The following ZXDB variants were observed in gnomAD, a reference collection of about 807,000 sequenced individuals.
ZXDB encodes the protein zinc finger X-linked protein ZXDB.
For missense variants in ZXDB, 413 were observed against 679.1 expected, an observed-to-expected ratio of 0.61 and a Z score of 4.36; for synonymous variants, 273 against 314.3, an observed-to-expected ratio of 0.87 and a Z score of 1.39.
In ZXDB at chrX:57,596,156, G is replaced by A. The variant is rs909179329; in HGVS notation, c.*1696G>A. 81 of 122,966 alleles carry A rather than the reference G, an allele frequency of 6.6e-4. No homozygotes were observed. The highest frequency in any genetic ancestry group is 2.4e-3 in the African/African-American group (75 of 30,649). 10.1% of individuals were successfully genotyped at this position (122,966 alleles called of 1,213,427 possible). A position where few individuals can be genotyped will look rare whatever the true frequency, so the allele number is the denominator to read the frequency against. ...TAATTTTCCCTCTAAGAATTGCTGTGGGTAATACCAGGAGTGGGGACATTG... is the reference window on the plus strand; with the variant it reads ...TAATTTTCCCTCTAAGAATTGCTGTAGGTAATACCAGGAGTGGGGACATTG... On this transcript the variant is annotated 3_prime_UTR_variant, in exon 1 of 1. Coordinates refer to ENST00000374888, the MANE Select transcript of ZXDB (RefSeq NM_007157.4).
rs1414993526 is a variant in ZXDB, at chrX:57,597,214, T to C, written c.*2754T>C. The C allele has an allele frequency of 1.6e-5, 2 of 123,496 alleles. No individual in the cohort carries two copies. Among genetic ancestry groups the C allele is most frequent in the African/African-American group, 6.5e-5 (2 of 30,867 alleles). The allele number at this position is 123,496 out of a possible 1,213,427, so 10.2% of individuals were successfully genotyped here. A position where few individuals can be genotyped will look rare whatever the true frequency, so the allele number is the denominator to read the frequency against. The stretch of plus-strand genomic sequence containing the variant: ...CACCCACATATATATTAAAAGTGGT[T>C]GTATTCATTTAGTGAAAAACAAAAA... On this transcript the variant is annotated 3_prime_UTR_variant, in exon 1 of 1. Transcript: ENST00000374888.
In ZXDB at chrX:57,597,244, A is replaced by T. The variant is rs2057913273; in HGVS notation, c.*2784A>T. On this transcript the variant is annotated 3_prime_UTR_variant, in exon 1 of 1. Transcript: ENST00000374888. ...TCATTTAGTGAAAAACAAAAAGTAG[A>T]TGTACTTCTGTAAATCAGATAAATG... 1 of 123,474 alleles carries T rather than the reference A, an allele frequency of 8.1e-6. No individual in the cohort carries two copies. The highest frequency in any genetic ancestry group is 1.9e-5 in the Non-Finnish European group (1 of 53,268). 10.2% of individuals were successfully genotyped at this position (123,474 alleles called of 1,213,427 possible). A position where few individuals can be genotyped will look rare whatever the true frequency, so the allele number is the denominator to read the frequency against.
chrX:57,595,222 G>C lies in ZXDB; in HGVS notation c.*762G>C, dbSNP rs186570657. 8.1e-6 allele frequency: 1 copy of C among 122,952 alleles called. No individual in the cohort carries two copies. Among genetic ancestry groups the C allele is most frequent in the African/African-American group, 3.3e-5 (1 of 30,718 alleles). 10.1% of individuals were successfully genotyped at this position (122,952 alleles called of 1,213,427 possible). On this transcript the variant is annotated 3_prime_UTR_variant, in exon 1 of 1. Coordinates refer to ENST00000374888, the MANE Select transcript of ZXDB (RefSeq NM_007157.4). The stretch of plus-strand genomic sequence containing the variant: ...AATCTCCTAAGTGTCTTCTTAATCC[G>C]TATGTTTCCCTTTCATCTTTCTTTT...
rs2057893775 is a variant in ZXDB at position 57,592,065 on chromosome X, T to C, written c.17T>C (p.Leu6Pro). 22 of 1,033,665 alleles carry C rather than the reference T, an allele frequency of 2.1e-5. No homozygotes were observed. The South Asian group carries it at 5.9e-4, about 28-fold the overall frequency. The allele number at this position is 1,033,665 out of a possible 1,213,427, so 85.2% of individuals were successfully genotyped here. A position where few individuals can be genotyped will look rare whatever the true frequency, so the allele number is the denominator to read the frequency against. The change falls in exon 1 of 1, where the codon CTG becomes CCG. Residue 6 changes from leucine (L) to proline (P), a missense_variant. By Grantham distance (98) the Leu-to-Pro change is moderately conservative. Transcript: ENST00000374888. ...GACGCAGAGATGGAAATCCCGAAGCTGCTCCCGGCTCGCGGGACACTACAG... is the reference window on the plus strand; with the variant it reads ...GACGCAGAGATGGAAATCCCGAAGCCGCTCCCGGCTCGCGGGACACTACAG... The part of the protein sequence containing the change: MEIPK[L>P]LPARGTLQGG...
rs1453838037 is a variant in ZXDB, at chrX:57,592,449, C to T, written c.401C>T (p.Ala134Val). ...GPGLQGGESG[A>V]NPAGPTALGP... ...GGGCTCCAGGGGGGCGAGAGCGGCG[C>T]GAATCCCGCGGGGCCCACTGCGCTA... Residue 134 changes from alanine to valine, a missense_variant, in exon 1 of 1, where the codon GCG becomes GTG. Physicochemically the swap from Ala to Val is moderately conservative, Grantham distance 64. Transcript: ENST00000374888. 6 of 1,160,398 alleles carry T rather than the reference C, an allele frequency of 5.2e-6. No individual in the cohort carries two copies. In the Admixed American group the frequency reaches 9.9e-5, roughly 19 times the overall value.
In ZXDB at chrX:57,592,431, AG is replaced by A. The variant is rs1244764887; in HGVS notation, c.389del (p.Gly130AlafsTer13). 8.6e-7 allele frequency: 1 copy of A among 1,160,412 alleles called. No homozygotes were observed. On this transcript the variant is annotated frameshift_variant, in exon 1 of 1. Transcript: ENST00000374888. LOFTEE classifies it low-confidence loss of function (END_TRUNC). ...REEAEEGPGL[Q>X]GGESGANPAG... ...GAGGCCGAGGAGGGCCCGGGGCTCC[AG>A]GGGGGCGAGAGCGGCGCGAATCCCG...
At position 57,592,232 on chromosome X, in the gene ZXDB, G is replaced by A; in HGVS notation, c.184G>A (p.Ala62Thr). The change falls in exon 1 of 1, where the codon GCC becomes ACC. Residue 62 changes from alanine (A) to threonine (T), a missense_variant. By Grantham distance (58) the Ala-to-Thr change is moderately conservative (BLOSUM62 0). Coordinates refer to ENST00000374888, the MANE Select transcript of ZXDB (RefSeq NM_007157.4). ...CGGGCCCGGGCGGCGGCGCGAGGAGGCCAGCACGGCATCACGGGGCCCTGG... is the reference window on the plus strand; with the variant it reads ...CGGGCCCGGGCGGCGGCGCGAGGAGACCAGCACGGCATCACGGGGCCCTGG... The part of the protein sequence containing the change: ...DGGPGRRREE[A>T]STASRGPGPS... The A allele has an allele frequency of 8.8e-7, 1 of 1,141,298 alleles. No homozygotes were observed. The highest frequency in any genetic ancestry group is 3.4e-4 in the Middle Eastern group (1 of 2,963). The allele number at this position is 1,141,298 out of a possible 1,213,427, so 94.1% of individuals were successfully genotyped here.
chrX:57,595,593 A>G lies in ZXDB; in HGVS notation c.*1133A>G, dbSNP rs925936692. On this transcript the variant is annotated 3_prime_UTR_variant, in exon 1 of 1. Coordinates refer to ENST00000374888, the MANE Select transcript of ZXDB (RefSeq NM_007157.4). ...AAGCATTAGCAAAGGAGGAAATGCT[A>G]TGTAATAGAAATATTATTCAATGCC... 7 of 123,751 alleles carry G rather than the reference A, an allele frequency of 5.7e-5. No homozygotes were observed. The highest frequency in any genetic ancestry group is 2.3e-4 in the African/African-American group (7 of 30,999). The allele number at this position is 123,751 out of a possible 1,213,427, so 10.2% of individuals were successfully genotyped here.
Position 57,592,436 on chromosome X carries a change from G to A in ZXDB, c.388G>A (p.Gly130Ser). Residue 130 changes from glycine (G) to serine (S), a missense_variant, in exon 1 of 1, where the codon GGC (glycine) becomes AGC (serine). By Grantham distance (56) the Gly-to-Ser change is moderately conservative (BLOSUM62 0). Coordinates refer to ENST00000374888, the MANE Select transcript of ZXDB (RefSeq NM_007157.4). Reference sequence around the variant, plus strand: ...CGAGGAGGGCCCGGGGCTCCAGGGGGGCGAGAGCGGCGCGAATCCCGCGGG... The same window carrying A: ...CGAGGAGGGCCCGGGGCTCCAGGGGAGCGAGAGCGGCGCGAATCCCGCGGG... ...EAEEGPGLQG[G>S]ESGANPAGPT... The A allele has an allele frequency of 8.6e-7, 1 of 1,158,783 alleles. No homozygotes were observed. Among genetic ancestry groups the A allele is most frequent in the East Asian group, 3.3e-5 (1 of 30,472 alleles).
rs1030390766 is a variant in ZXDB at position 57,593,223 on chromosome X, C to A, written c.1175C>A (p.Pro392His). The change falls in exon 1 of 1, where the codon CCT (proline) becomes CAT (histidine). Residue 392 changes from proline to histidine, a missense_variant. Transcript: ENST00000374888. ...CGCAGCCACTTCGAACCGGAGAGGC[C>A]TTACCAGTGCGCGTTTTCTGGCTGC... The part of the protein sequence containing the change: ...HQRSHFEPER[P>H]YQCAFSGCKK... 1 of 1,210,118 alleles carries A rather than the reference C, an allele frequency of 8.3e-7. No homozygotes were observed.
Position 57,592,842 on chromosome X carries a change from G to A in ZXDB, c.794G>A (p.Gly265Asp). 8.6e-7 allele frequency: 1 copy of A among 1,167,983 alleles called. No homozygotes were observed. Among genetic ancestry groups the A allele is most frequent in the African/African-American group, 1.8e-5 (1 of 56,913 alleles). Residue 265 changes from glycine (G) to aspartate (D), a missense_variant, in exon 1 of 1, where the codon GGC becomes GAC. Transcript: ENST00000374888. ...GGCCCCCGCGGACCGCTGGGCTCCG[G>A]CCCAGGCGTGGTGCTGTACTTGTGC... The part of the protein sequence containing the change: ...ALGPRGPLGS[G>D]PGVVLYLCPE...
In ZXDB at chrX:57,592,501, C is replaced by T. The variant is rs761267657; in HGVS notation, c.453C>T (p.Pro151=). Reference sequence around the variant, plus strand: ...GCCCCCGCTGCCTGTCCGCGGTTCCCACTCCGGCCCCGATCTCCGCCCCCG... The same window carrying T: ...GCCCCCGCTGCCTGTCCGCGGTTCCTACTCCGGCCCCGATCTCCGCCCCCG... ...ALGPRCLSAV[P]TPAPISAPGP... is the part of the protein sequence containing the mutation. Residue 151 remains proline, a synonymous_variant, in exon 1 of 1, where the codon CCC becomes CCT. Transcript: ENST00000374888. 1 of 1,183,168 alleles carries T rather than the reference C, an allele frequency of 8.5e-7. No homozygotes were observed. The highest frequency in any genetic ancestry group is 3.1e-5 in the East Asian group (1 of 32,087).
At position 57,594,502 on chromosome X, in the gene ZXDB, A is replaced by T. The variant is rs747697294; in HGVS notation, c.*42A>T. On this transcript the variant is annotated 3_prime_UTR_variant, in exon 1 of 1. Coordinates refer to ENST00000374888, the MANE Select transcript of ZXDB (RefSeq NM_007157.4). ...CCTCATCATGTGGCTTACTTTTATT[A>T]CAGTCAATTTTGAGGATATTCTGGA... 2 of 1,154,795 alleles carry T rather than the reference A, an allele frequency of 1.7e-6. No homozygotes were observed. Among genetic ancestry groups the T allele is most frequent in the African/African-American group, 3.6e-5 (2 of 55,100 alleles).
Position 57,594,582 on chromosome X carries a change from G to A in ZXDB, c.*122G>A. ...TGGTTTGCAAAAAGAGCACAGCCCT[G>A]GACTACAAGTTTGGAGATTTAAATT... On this transcript the variant is annotated 3_prime_UTR_variant, in exon 1 of 1. Transcript: ENST00000374888. 1.1e-6 allele frequency: 1 copy of A among 911,166 alleles called. No individual in the cohort carries two copies. The highest frequency in any genetic ancestry group is 1.5e-6 in the Non-Finnish European group (1 of 662,127). The allele number at this position is 911,166 out of a possible 1,213,427, so 75.1% of individuals were successfully genotyped here.
rs1042664428 is a variant in ZXDB at position 57,596,913 on chromosome X, T to C, written c.*2453T>C. On this transcript the variant is annotated 3_prime_UTR_variant, in exon 1 of 1. Transcript: ENST00000374888. The stretch of plus-strand genomic sequence containing the variant: ...GAAGTTATTTTCTGAGCTTAGATAA[T>C]ACTATGTGTATATGTGATTAAAATG... 4.8e-5 allele frequency: 6 copies of C among 123,921 alleles called. No individual in the cohort carries two copies. Among genetic ancestry groups the C allele is most frequent in the African/African-American group, 1.9e-4 (6 of 31,010 alleles). The allele number at this position is 123,921 out of a possible 1,213,427, so 10.2% of individuals were successfully genotyped here.
In ZXDB at chrX:57,592,029, C is replaced by T. The variant is rs2057893628; in HGVS notation, c.-20C>T. The stretch of plus-strand genomic sequence containing the variant: ...CCTCCTCCTCGGCTCTGGTTCCAGC[C>T]GAGCCTCTCGGACGCAGAGATGGAA... On this transcript the variant is annotated 5_prime_UTR_variant, in exon 1 of 1. Transcript: ENST00000374888. The T allele has an allele frequency of 9.8e-7, 1 of 1,022,972 alleles. No individual in the cohort carries two copies. Among genetic ancestry groups the T allele is most frequent in the Admixed American group, 5.6e-5 (1 of 17,964 alleles). 84.3% of individuals were successfully genotyped at this position (1,022,972 alleles called of 1,213,427 possible).
In ZXDB at chrX:57,593,794, A is replaced by G. The variant is rs1486841329; in HGVS notation, c.1746A>G (p.Leu582=). 2 of 1,211,796 alleles carry G rather than the reference A, an allele frequency of 1.7e-6. No homozygotes were observed. The highest frequency in any genetic ancestry group is 1.1e-6 in the Non-Finnish European group (1 of 895,449). ...HKVGQDLLAQ[L]EAANSLTPSS... ...TGGGCCAGGATCTCTTAGCTCAGCTAGAAGCAGCAAATTCTCTCACACCCA... is the reference window on the plus strand; with the variant it reads ...TGGGCCAGGATCTCTTAGCTCAGCTGGAAGCAGCAAATTCTCTCACACCCA... Residue 582 remains leucine, a synonymous_variant, in exon 1 of 1, where the codon CTA becomes CTG. Transcript: ENST00000374888.
At position 57,592,306 on chromosome X, in the gene ZXDB, C is replaced by T. The variant is rs1472307496; in HGVS notation, c.258C>T (p.Gly86=). The T allele has an allele frequency of 3.4e-6, 4 of 1,188,496 alleles. No homozygotes were observed. Among genetic ancestry groups the T allele is most frequent in the Non-Finnish European group, 3.4e-6 (3 of 888,160 alleles). Residue 86 remains glycine, a synonymous_variant, in exon 1 of 1, where the codon GGC becomes GGT. Transcript: ENST00000374888. ...CCGATCAACCTAGCGGCGGCGGCGG[C>T]GGCGGCGGCGACGACTTCTTCCTGG... The part of the protein sequence containing the change: ...PRTDQPSGGG[G]GGGDDFFLVL...
At position 57,593,323 on chromosome X, in the gene ZXDB, C is replaced by T; in HGVS notation, c.1275C>T (p.Ser425=). ...ATTTCAGGGAACAGGAACTGTTTTC[C>T]TGCTCTTTTCCTGGCTGCAGCAAAC... The part of the protein sequence containing the change: ...RAHFREQELF[S]CSFPGCSKQY... The change falls in exon 1 of 1, where the codon TCC becomes TCT. Residue 425 remains serine (S), a synonymous_variant. Transcript: ENST00000374888. 5 of 1,211,735 alleles carry T rather than the reference C, an allele frequency of 4.1e-6. No individual in the cohort carries two copies. Among genetic ancestry groups the T allele is most frequent in the South Asian group, 1.8e-5 (1 of 56,998 alleles).
Sources: gnomAD v4.1 joint callset for allele counts on GRCh38, gnomAD v4.1.1 for gene constraint, MANE v1.5 for transcripts, NCBI Gene and HGNC (gene_info 2026-07-23, HGNC 2026-07-21) for gene names.